The following COL21A1 variants were observed in gnomAD, a reference collection of about 807,000 sequenced individuals.
COL21A1 encodes collagen type XXI alpha 1 chain, also known as collagen alpha-1(XXI) chain.
COL21A1 carries 149 observed loss-of-function variants against 137.9 expected under a neutral mutation model. That is an observed-to-expected ratio of 1.08 (90% CI 0.95 to 1.24). The LOEUF (loss-of-function observed/expected upper bound fraction) is 1.24, where lower values mean the gene tolerates loss of function less well. Ranked by LOEUF, COL21A1 falls within the 50% of genes most tolerant of loss-of-function variation. The pLI, the probability that COL21A1 is intolerant of heterozygous loss-of-function variation, is 0.00. For synonymous variants in COL21A1, 456 were observed against 391.5 expected, an observed-to-expected ratio of 1.16 and a Z score of -1.95; for missense variants, 1,167 against 1,158.4, an observed-to-expected ratio of 1.01 and a Z score of -0.11.
At chr6:56,112,542 A>C (rs539997446) in intron 16 of COL21A1, among the ~76,000 whole-genome samples, 1 of 152,108 alleles carries the variant, frequency 6.6e-6, no homozygotes, top group Non-Finnish European at 1.5e-5. Flanking sequence ...ATGGAGTGGA[A>C]AGCATTTCTG....
chr6:56,122,194 ACACAAATCTG>A (rs71734255), intron 16 of COL21A1, among the ~76,000 whole-genome samples: 22,841 of 152,232 alleles, frequency 0.15, 1,747 homozygotes, highest in Middle Eastern at 0.22. Context: ...TGTCCAGAAT[ACACAAATCTG>A]CACAAATCTG....
chr6:56,296,219 A>T (rs778298182), intron 1 of COL21A1, among the ~76,000 whole-genome samples: 1 of 151,934 alleles, frequency 6.6e-6, no homozygotes, highest in African/African-American at 2.4e-5. Context: ...TTTCTTGTCT[A>T]ACATAAAATT....
intron 1 of COL21A1, among the ~76,000 whole-genome samples, chr6:56,377,448 A>G (rs1205037983): frequency 6.6e-6 from 1 of 152,054 alleles, no homozygotes; most frequent in Non-Finnish European, 1.5e-5. Flanking sequence ...ATCATGACCC[A>G]TTGAACTCAG....
intron 1 of COL21A1, among the ~76,000 whole-genome samples, chr6:56,282,825 G>A (rs927121231): frequency 6.6e-6 from 1 of 152,176 alleles, no homozygotes; most frequent in Non-Finnish European, 1.5e-5. Flanking sequence ...TATCCAGTAT[G>A]TAAGATTCCC....
At chr6:56,344,828 G>A (rs968229029) in intron 1 of COL21A1, among the ~76,000 whole-genome samples, 1 of 144,828 alleles carries the variant, frequency 6.9e-6, no homozygotes, top group Non-Finnish European at 1.5e-5. Context: ...CTTCAGCTAT[G>A]TAGGACGTGC....
intron 17 of COL21A1, among the ~76,000 whole-genome samples, chr6:56,081,360 CA>C (rs1173739352): frequency 6.6e-6 from 1 of 151,650 alleles, no homozygotes; most frequent in Non-Finnish European, 1.5e-5. Context: ...TCGGGGACGC[CA>C]ACAAGTCGGC....
intron 17 of COL21A1, among the ~76,000 whole-genome samples, chr6:56,087,654 G>C (rs572700493): frequency 1.3e-5 from 2 of 152,230 alleles, no homozygotes; most frequent in South Asian, 2.1e-4. Flanking sequence ...GGAGTTAACA[G>C]CTCTAAAGAT....
chr6:56,322,027 A>C (rs1249108124), intron 1 of COL21A1, among the ~76,000 whole-genome samples: 1 of 152,144 alleles, frequency 6.6e-6, no homozygotes, highest in Non-Finnish European at 1.5e-5. Context: ...GACAACTGGC[A>C]ACAACCAGCT....
chr6:56,134,498 T>C (rs1773829067), intron 12 of COL21A1, among the ~76,000 whole-genome samples: 1 of 152,260 alleles, frequency 6.6e-6, no homozygotes, highest in South Asian at 2.1e-4. Context: ...TTCAAGTTAA[T>C]GCTGAAATGA....
chr6:56,152,920 G>A (rs753769831), intron 10 of COL21A1, among the ~76,000 whole-genome samples: 57 of 152,282 alleles, frequency 3.7e-4, no homozygotes, highest in Middle Eastern at 3.4e-3. Context: ...TAGGTCCCAG[G>A]AAAGGGGTCT....
chr6:56,392,710 C>G (rs1244276044), intron 1 of COL21A1, among the ~76,000 whole-genome samples: 1 of 151,962 alleles, frequency 6.6e-6, no homozygotes, highest in South Asian at 2.1e-4. Flanking sequence ...AGTGAATAAT[C>G]TGAAAAAGAA....
At chr6:56,150,964 C>T (rs1310762298) in intron 10 of COL21A1, among the ~76,000 whole-genome samples, 1 of 152,208 alleles carries the variant, frequency 6.6e-6, no homozygotes, top group Non-Finnish European at 1.5e-5. Flanking sequence ...TGGCTCACGC[C>T]TGTAATCCCA....
intron 12 of COL21A1, among the ~76,000 whole-genome samples, chr6:56,132,561 G>T (rs1266443028): frequency 6.6e-6 from 1 of 152,104 alleles, no homozygotes; most frequent in African/African-American, 2.4e-5. Flanking sequence ...AATGAAAGTG[G>T]AAATTTAATG....
chr6:56,262,093 G>A (rs956111767), intron 1 of COL21A1, among the ~76,000 whole-genome samples: 7 of 152,184 alleles, frequency 4.6e-5, no homozygotes, highest in East Asian at 1.9e-4. Context: ...TAATGCATTC[G>A]ATTTCTCAAA....
chr6:56,291,688 G>A (rs1369856890), intron 1 of COL21A1, among the ~76,000 whole-genome samples: 2 of 152,226 alleles, frequency 1.3e-5, no homozygotes, highest in Admixed American at 6.5e-5. Context: ...AGAACCCCAA[G>A]GGATTCTTAC....
At chr6:56,097,316 C>T (rs1186011071) in intron 17 of COL21A1, among the ~76,000 whole-genome samples, 1 of 152,060 alleles carries the variant, frequency 6.6e-6, no homozygotes, top group African/African-American at 2.4e-5. Flanking sequence ...AGAAAAAATT[C>T]ATCTCAATAA....
intron 1 of COL21A1, among the ~76,000 whole-genome samples, chr6:56,200,035 G>T (rs886529702): frequency 2.6e-5 from 4 of 152,070 alleles, no homozygotes; most frequent in African/African-American, 7.2e-5. Context: ...TCTCTAAAAA[G>T]GTAACACTTG....
At chr6:56,130,209 A>G (rs1773437836) in intron 12 of COL21A1, among the ~76,000 whole-genome samples, 1 of 29,910 alleles carries the variant, frequency 3.3e-5, no homozygotes, top group Admixed American at 2.6e-4. Flanking sequence ...ATATATATAT[A>G]TAAAATTTCA....
intron 29 of COL21A1, 144 bp from the exon 30 acceptor site, chr6:56,057,988 T>C: frequency 3.6e-6 from 2 of 558,102 alleles, no homozygotes; most frequent in Non-Finnish European, 2.9e-6. Context: ...AGGCATTTTC[T>C]TGATAATTCT....
Sources: allele counts gnomAD v4.1 joint callset (sites outside exome capture counted in the v4.1 genomes callset), GRCh38; gene constraint gnomAD v4.1.1; transcripts MANE v1.5; gene names NCBI Gene and HGNC (gene_info 2026-07-23, HGNC 2026-07-21).